The following PRKN variants were observed in gnomAD, a reference collection of about 807,000 sequenced individuals.
PRKN encodes parkin RBR E3 ubiquitin protein ligase, also known as E3 ubiquitin-protein ligase parkin.
A neutral mutation model predicts 59.5 loss-of-function variants in PRKN; 56 were observed. That is an observed-to-expected ratio of 0.94 (90% confidence interval 0.76 to 1.18). PRKN has a LOEUF of 1.18. PRKN is among the 50% of genes most tolerant of loss of function. The probability of loss-of-function intolerance (pLI) is 0.00; values close to 1 mark genes in which losing one functional copy is unlikely to be tolerated. For missense variants in PRKN, 657 were observed against 596.4 expected (o/e 1.10, Z -1.06); for synonymous variants, 250 against 222.1 (o/e 1.13, Z -1.12).
At chr6:162,500,428 T>C (rs1169315812) in intron 1 of PRKN, among the ~76,000 whole-genome samples, 1 of 151,420 alleles carries the variant, frequency 6.6e-6, no homozygotes. Flanking sequence ...CGCCTCAGAC[T>C]CCTAAAGTGC....
chr6:161,636,871 G>A (rs112945770), intron 7 of PRKN, among the ~76,000 whole-genome samples: 4 of 152,238 alleles, frequency 2.6e-5, no homozygotes, highest in African/African-American at 9.6e-5. Flanking sequence ...ATGACCGGCC[G>A]CACGTCAACA....
intron 1 of PRKN, among the ~76,000 whole-genome samples, chr6:162,585,715 TA>T (rs1208080096): frequency 6.6e-6 from 1 of 152,130 alleles, no homozygotes; most frequent in African/African-American, 2.4e-5. Context: ...TTAATTTATT[TA>T]TTTGATATGG....
chr6:162,477,874 C>G (rs1792101634), intron 1 of PRKN, among the ~76,000 whole-genome samples: 1 of 152,218 alleles, frequency 6.6e-6, no homozygotes, highest in Non-Finnish European at 1.5e-5. Flanking sequence ...AAATCCTGCT[C>G]TATCTCTTGC....
chr6:162,249,032 A>T (rs1779317229), intron 3 of PRKN, among the ~76,000 whole-genome samples: 1 of 151,782 alleles, frequency 6.6e-6, no homozygotes, highest in African/African-American at 2.4e-5. Context: ...GTGCACCACC[A>T]CCACACCCAG....
chr6:161,692,297 T>C (rs1402805105), intron 7 of PRKN, among the ~76,000 whole-genome samples: 1 of 152,086 alleles, frequency 6.6e-6, no homozygotes, highest in Non-Finnish European at 1.5e-5. Flanking sequence ...AAAACCCAAC[T>C]CCTTCTTACT....
chr6:161,824,715 A>C (rs1792170492), intron 6 of PRKN, among the ~76,000 whole-genome samples: 1 of 152,246 alleles, frequency 6.6e-6, no homozygotes, highest in South Asian at 2.1e-4. Flanking sequence ...GCGTGTAGCA[A>C]TGAACAGGCC....
chr6:161,720,905 C>A (rs73783362), intron 7 of PRKN, among the ~76,000 whole-genome samples: 19,949 of 152,078 alleles, frequency 0.13, 1,890 homozygotes, highest in African/African-American at 0.26. Context: ...ATTAAGTGAA[C>A]CTTATCATTT....
intron 7 of PRKN, among the ~76,000 whole-genome samples, chr6:161,611,286 T>A (rs1262344690): frequency 2.0e-5 from 3 of 152,180 alleles, no homozygotes; most frequent in African/African-American, 7.2e-5. Context: ...AGAACTTACT[T>A]CTCTCTTACA....
At chr6:162,711,583 T>C (rs1778540033) in intron 1 of PRKN, among the ~76,000 whole-genome samples, 1 of 152,142 alleles carries the variant, frequency 6.6e-6, no homozygotes, top group Non-Finnish European at 1.5e-5. Flanking sequence ...TACAAATTCA[T>C]AGGCTTCTCC....
chr6:162,094,259 G>A (rs540578235), intron 4 of PRKN, among the ~76,000 whole-genome samples: 1 of 152,246 alleles, frequency 6.6e-6, no homozygotes, highest in South Asian at 2.1e-4. Flanking sequence ...GGAGCCTGAG[G>A]TGGGAGGACT....
chr6:162,113,749 G>C (rs1780544055), intron 4 of PRKN, among the ~76,000 whole-genome samples: 1 of 152,150 alleles, frequency 6.6e-6, no homozygotes, highest in Admixed American at 6.5e-5. Flanking sequence ...TTTGGCTTTT[G>C]TTGCCATTGT....
chr6:162,390,595 C>A (rs1447972901), intron 2 of PRKN, among the ~76,000 whole-genome samples: 1 of 151,762 alleles, frequency 6.6e-6, no homozygotes, highest in Non-Finnish European at 1.5e-5. Flanking sequence ...ATGCCCCCAC[C>A]ACGCCTGGCT....
At position 161,451,221 on chromosome 6, in the gene PRKN, T is replaced by C. The variant is rs1056350232; in HGVS notation, c.1084-64344A>G. On this transcript the variant is annotated intron_variant, in intron 9 of 11. Coordinates refer to ENST00000366898, the MANE Select transcript of PRKN (RefSeq NM_004562.3). This position sits in a 1 kb window ranked among gnomAD's most constrained non-coding sequence, Gnocchi z 5.9. ...CAATCTCCCATTGCAACAAATGAACTATTAAAAACAGGGGTCTCTTTTATC... is the reference window on the plus strand; with the variant it reads ...CAATCTCCCATTGCAACAAATGAACCATTAAAAACAGGGGTCTCTTTTATC... Among the ~76,000 whole-genome samples, 9 of 152,168 alleles carry C rather than the reference T, an allele frequency of 5.9e-5. No individual in the cohort carries two copies.
intron 9 of PRKN, among the ~76,000 whole-genome samples, chr6:161,532,002 A>G (rs1183147644): frequency 3.3e-5 from 5 of 152,172 alleles, no homozygotes; most frequent in African/African-American, 1.2e-4. Flanking sequence ...TTTAATAAAG[A>G]AGGAGTTTGG....
At position 162,318,775 on chromosome 6, in the gene PRKN, C is replaced by A. The variant is rs189870750; in HGVS notation, c.172-56010G>T. ...TACATTTTATAAACATAGCATCAAT[C>A]CAGGCAGGCCAAAGATATAACATTT... On this transcript the variant is annotated intron_variant, in intron 2 of 11. Coordinates refer to ENST00000366898, the MANE Select transcript of PRKN (RefSeq NM_004562.3). Among the ~76,000 whole-genome samples the A allele has an allele frequency of 4.9e-4, 74 of 151,970 alleles. 1 individual carries two copies. Among genetic ancestry groups the A allele is most frequent in the African/African-American group, 1.7e-3 (69 of 41,482 alleles).
chr6:161,854,130 C>T (rs1240322972), intron 6 of PRKN, among the ~76,000 whole-genome samples: 1 of 150,786 alleles, frequency 6.6e-6, no homozygotes, highest in African/African-American at 2.4e-5. Flanking sequence ...TGGCAGGCAC[C>T]TGTAATCCCA....
Position 162,285,486 on chromosome 6 carries a change from T to C in PRKN, c.172-22721A>G, listed in dbSNP as rs114744096. 5.0e-3 allele frequency among the ~76,000 whole-genome samples: 757 copies of C among 152,192 alleles called. 11 individuals are homozygous for C. The highest frequency in any genetic ancestry group is 0.017 in the African/African-American group (717 of 41,534). The stretch of plus-strand genomic sequence containing the variant: ...TGACATGGGGTTATTCATTTCTGCA[T>C]TGAAAATAAGGGGAAATAAGGAGTT... On this transcript the variant is annotated intron_variant, in intron 2 of 11. Transcript: ENST00000366898.
chr6:161,824,123 C>T (rs574682229), intron 6 of PRKN, among the ~76,000 whole-genome samples: 1 of 152,282 alleles, frequency 6.6e-6, no homozygotes, highest in African/African-American at 2.4e-5. Context: ...GGATCCTCCT[C>T]GCACAGACTG....
rs189379112 is a variant in PRKN, at chr6:162,191,258, T to C, written c.534+9873A>G. ...TTTTGGAGATGGAATGGGCCCAGAC[T>C]AGGGGATAAAATAGGACTGGTCTAA... On this transcript the variant is annotated intron_variant, in intron 4 of 11. Coordinates refer to ENST00000366898, the MANE Select transcript of PRKN (RefSeq NM_004562.3). Among the ~76,000 whole-genome samples the C allele has an allele frequency of 2.1e-3, 321 of 152,248 alleles. 1 individual carries two copies. Among genetic ancestry groups the C allele is most frequent in the African/African-American group, 7.0e-3 (290 of 41,558 alleles).
Sources: allele counts gnomAD v4.1 joint callset (sites outside exome capture counted in the v4.1 genomes callset), GRCh38; gene constraint gnomAD v4.1.1; non-coding constraint Gnocchi (gnomAD v3.1); transcripts MANE v1.5; gene names NCBI Gene and HGNC (gene_info 2026-07-23, HGNC 2026-07-21).